The following ZZEF1 variants were observed in gnomAD, a reference collection of about 807,000 sequenced individuals.
ZZEF1 encodes the protein zinc finger ZZ-type and EF-hand domain-containing protein 1.
In ZZEF1, 157 loss-of-function variants were observed where a neutral mutation model predicts 342.8. That is an observed-to-expected ratio of 0.46 (90% confidence interval 0.40 to 0.52). ZZEF1 has a LOEUF of 0.52. ZZEF1 is among the 20% of genes least tolerant of loss of function. ZZEF1 has a pLI of 0.00. For missense variants in ZZEF1, 3,480 were observed against 3,725.6 expected, an observed-to-expected ratio of 0.93 and a Z score of 1.72; for synonymous variants, 1,505 against 1,429.1, an observed-to-expected ratio of 1.05 and a Z score of -1.20.
intron 1 of ZZEF1, 142 bp downstream of exon 1, chr17:4,142,400 C>T (rs1475749394): frequency 2.2e-6 from 2 of 891,650 alleles, no homozygotes; most frequent in Middle Eastern, 3.3e-4. Context: ...TAAAGAGAAA[C>T]GAAGCAAACG....
chr17:4,042,463 C>A lies in ZZEF1; in HGVS notation c.6272G>T (p.Gly2091Val), dbSNP rs1294584815. The A allele has an allele frequency of 6.2e-7, 1 of 1,613,630 alleles. No individual in the cohort carries two copies. Among genetic ancestry groups the A allele is most frequent in the Non-Finnish European group, 8.5e-7 (1 of 1,179,920 alleles). ...FAECSQKRIL[G>V]LLAAMLPPLK... ...GGGAGGTAACATGGCTGCTAGTAAT[C>A]CCAAAATCCTCTTCTGGGAACACTC... The change falls in exon 39 of 55, where the codon GGA (glycine) becomes GTA (valine). Residue 2091 changes from glycine to valine, a missense_variant. Coordinates refer to ENST00000381638, the MANE Select transcript of ZZEF1 (RefSeq NM_015113.4).
In ZZEF1 at chr17:4,070,918, T is replaced by C. The variant is rs2145271388; in HGVS notation, c.3841A>G (p.Asn1281Asp). 2 of 1,609,792 alleles carry C rather than the reference T, an allele frequency of 1.2e-6. No individual in the cohort carries two copies. Among genetic ancestry groups the C allele is most frequent in the Middle Eastern group, 3.3e-4 (2 of 6,038 alleles). Residue 1281 changes from asparagine to aspartate, a missense_variant, in exon 26 of 55, where the codon AAC becomes GAC. Around this residue, in one of 5 missense-constraint regions of ZZEF1, gnomAD observed 1,528 missense variants for 1,624.1 expected, o/e 0.94. Transcript: ENST00000381638. ...TGGCGGCAGGGGTCGTCAGGAATGTTCTTAACCTGGAAACAAAAAATAAAC... is the reference window on the plus strand; with the variant it reads ...TGGCGGCAGGGGTCGTCAGGAATGTCCTTAACCTGGAAACAAAAAATAAAC... Reference protein sequence around the residue: ...HPHRNSKEVKNIPDDPCRHFL... With the variant: ...HPHRNSKEVKDIPDDPCRHFL...
intron 42 of ZZEF1, among the ~76,000 whole-genome samples, chr17:4,031,423 A>G (rs2056544551): frequency 6.6e-6 from 1 of 152,224 alleles, no homozygotes; most frequent in African/African-American, 2.4e-5. Context: ...TAGAATCCAT[A>G]AATAGACAGA....
chr17:4,023,349 T>C (rs939698296), intron 43 of ZZEF1, among the ~76,000 whole-genome samples: 15 of 152,204 alleles, frequency 9.9e-5, no homozygotes, highest in Non-Finnish European at 1.8e-4. Flanking sequence ...AGGGACCTTC[T>C]TTCTGGCTCC....
chr17:4,067,044 T>A lies in ZZEF1; in HGVS notation c.4155+119A>T, dbSNP rs1018747360. 7.4e-6 allele frequency: 6 copies of A among 813,738 alleles called. No homozygotes were observed. In the Admixed American group the frequency reaches 1.7e-4, roughly 23 times the overall value. The allele number at this position is 813,738 out of a possible 1,614,324, so 50.4% of individuals were successfully genotyped here. A position where few individuals can be genotyped will look rare whatever the true frequency, so the allele number is the denominator to read the frequency against. Reference sequence around the variant, plus strand: ...TTTATATCTATTCATGTCACTAAACTTTAGCTTAACAAAAATCCTAAAGCT... The same window carrying A: ...TTTATATCTATTCATGTCACTAAACATTAGCTTAACAAAAATCCTAAAGCT... On this transcript the variant is annotated intron_variant, in intron 27 of 54. Coordinates refer to ENST00000381638, the MANE Select transcript of ZZEF1 (RefSeq NM_015113.4).
rs762557864 is a variant in ZZEF1, at chr17:4,017,349, C to A, written c.8001+22G>T. The A allele has an allele frequency of 6.4e-6, 10 of 1,561,514 alleles. No individual in the cohort carries two copies. The African/African-American group carries it at 1.2e-4, about 19-fold the overall frequency. On this transcript the variant is annotated intron_variant, in intron 48 of 54. Transcript: ENST00000381638. This position sits in a 1 kb window ranked among gnomAD's most constrained non-coding sequence, Gnocchi z 5.1. ...AGAGGAAGAACCTGGTGGGTGAGCA[C>A]AAGCTCAGTCTGCATAACTACCTTC...
At chr17:4,106,605 T>C (rs1054744197) in intron 6 of ZZEF1, among the ~76,000 whole-genome samples, 1 of 152,196 alleles carries the variant, frequency 6.6e-6, no homozygotes, top group African/African-American at 2.4e-5. Context: ...TCCTGCCATG[T>C]TTCTTGGCCT....
intron 5 of ZZEF1, among the ~76,000 whole-genome samples, chr17:4,111,049 T>C (rs1193148303): frequency 2.0e-5 from 3 of 152,156 alleles, no homozygotes; most frequent in Admixed American, 1.3e-4. Flanking sequence ...AATAAGGATA[T>C]TCGTGAATAT....
intron 41 of ZZEF1, 69 bp from the exon 42 acceptor site, chr17:4,032,327 A>C (rs1323695210): frequency 1.3e-6 from 2 of 1,529,664 alleles, no homozygotes; most frequent in East Asian, 4.6e-5. Flanking sequence ...CTTAGGCATA[A>C]GCCCAGCCCC....
intron 16 of ZZEF1, 88 bp downstream of exon 16, chr17:4,085,582 C>G (rs2057803425): frequency 6.5e-7 from 1 of 1,535,758 alleles, no homozygotes; most frequent in Non-Finnish European, 8.9e-7. Context: ...GACGTTGCAA[C>G]AGACGATATA....
At position 4,016,268 on chromosome 17, in the gene ZZEF1, G is replaced by A; in HGVS notation, c.8145+55C>T. The stretch of plus-strand genomic sequence containing the variant: ...TGGAGGGGCTGAGCACGGAGGGGCT[G>A]ACGAGGTCTCTGCGGCTCAGTCGCT... On this transcript the variant is annotated intron_variant, in intron 49 of 54. Transcript: ENST00000381638. This position sits in a 1 kb window ranked among gnomAD's most constrained non-coding sequence, Gnocchi z 4.4. 1.9e-6 allele frequency: 3 copies of A among 1,568,740 alleles called. No homozygotes were observed. Among genetic ancestry groups the A allele is most frequent in the Non-Finnish European group, 1.7e-6 (2 of 1,162,222 alleles).
intron 9 of ZZEF1, among the ~76,000 whole-genome samples, chr17:4,099,028 G>T (rs140681005): frequency 6.6e-6 from 1 of 152,090 alleles, no homozygotes; most frequent in Non-Finnish European, 1.5e-5. Context: ...AGCAATTTTA[G>T]TTAGTCTCAA....
At chr17:4,010,534 G>A (rs1428727765) in intron 52 of ZZEF1, among the ~76,000 whole-genome samples, 4 of 151,624 alleles carry the variant, frequency 2.6e-5, no homozygotes, top group African/African-American at 4.8e-5. Flanking sequence ...GACCAGCCTG[G>A]CCAACACAGT....
intron 5 of ZZEF1, among the ~76,000 whole-genome samples, chr17:4,112,127 C>T (rs562989040): frequency 1.6e-3 from 170 of 107,808 alleles, no homozygotes; most frequent in Admixed American, 3.2e-3. Flanking sequence ...AAAATGATTT[C>T]ACTGTTCTTC....
At chr17:4,080,223 A>AT (rs901872772) in intron 18 of ZZEF1, among the ~76,000 whole-genome samples, 2 of 152,176 alleles carry the variant, frequency 1.3e-5, no homozygotes, top group Non-Finnish European at 2.9e-5. Context: ...AATCCCTTAT[A>AT]TTTTTTAAAA....
rs774909156 is a variant in ZZEF1, at chr17:4,081,487, G to A, written c.2718C>T (p.Asp906=). Reference sequence around the variant, plus strand: ...AAAGAAGAAGGCCGCCTGGATCCTTGTCACTGAAAGGATACAAATTAGTCA... The same window carrying A: ...AAAGAAGAAGGCCGCCTGGATCCTTATCACTGAAAGGATACAAATTAGTCA... The part of the protein sequence containing the change: ...TFRSLCTYFS[D]KDPGGLLLLP... The change falls in exon 18 of 55, where the codon GAC becomes GAT. Residue 906 remains aspartate, a synonymous_variant. Coordinates refer to ENST00000381638, the MANE Select transcript of ZZEF1 (RefSeq NM_015113.4). The A allele has an allele frequency of 8.1e-6, 13 of 1,611,628 alleles. No homozygotes were observed. In the South Asian group the frequency reaches 1.1e-4, roughly 14 times the overall value.
At chr17:4,025,655 C>A (rs528201491) in intron 42 of ZZEF1, among the ~76,000 whole-genome samples, 17 of 150,402 alleles carry the variant, frequency 1.1e-4, no homozygotes, top group Non-Finnish European at 2.4e-4. Context: ...GCATTCCAGC[C>A]TGGGTGACAG....
At chr17:4,051,136 G>A (rs760871320) in intron 35 of ZZEF1, 93 bp from the exon 36 acceptor site, 179 of 1,553,570 alleles carry the variant, frequency 1.2e-4, no homozygotes, top group Middle Eastern at 1.9e-4. Flanking sequence ...GCATGTGGTC[G>A]CAACTGGGCA....
intron 42 of ZZEF1, among the ~76,000 whole-genome samples, chr17:4,027,483 CG>C (rs1308234083): frequency 1.3e-5 from 2 of 150,818 alleles, no homozygotes; most frequent in African/African-American, 4.9e-5. Flanking sequence ...TTAGTAGAGA[CG>C]GGGTTTCACC....
Sources: allele counts gnomAD v4.1 joint callset (sites outside exome capture counted in the v4.1 genomes callset), GRCh38; gene constraint gnomAD v4.1.1; regional missense constraint gnomAD v4.1.1; non-coding constraint Gnocchi (gnomAD v3.1); transcripts MANE v1.5; gene names NCBI Gene and HGNC (gene_info 2026-07-23, HGNC 2026-07-21).